The following CALD1 variants were observed in gnomAD, a reference collection of about 807,000 sequenced individuals.
CALD1 encodes the protein caldesmon 1.
In CALD1, 33 loss-of-function variants were observed where a neutral mutation model predicts 99.9. The observed-to-expected ratio is 0.33, with a 90% CI of 0.25 to 0.44. The LOEUF is 0.44. CALD1 is among the 20% of genes least tolerant of loss of function. CALD1 has a pLI of 1.00. For missense variants in CALD1, 861 were observed against 962.1 expected, an observed-to-expected ratio of 0.89 and a Z score of 1.39; for synonymous variants, 310 against 325.0, an observed-to-expected ratio of 0.95 and a Z score of 0.50.
At chr7:134,803,499 T>C (rs988924794) in intron 1 of CALD1, among the ~76,000 whole-genome samples, 1 of 152,162 alleles carries the variant, frequency 6.6e-6, no homozygotes, top group Non-Finnish European at 1.5e-5. Flanking sequence ...AAAAAACTTT[T>C]AGTTTTTGTT....
chr7:134,815,125 G>A (rs528214315), intron 1 of CALD1, among the ~76,000 whole-genome samples: 1 of 152,278 alleles, frequency 6.6e-6, no homozygotes, highest in East Asian at 1.9e-4. Context: ...TGTCCCTTAG[G>A]TGACTGTGTC....
At chr7:134,833,991 C>T (rs71530952) in intron 1 of CALD1, among the ~76,000 whole-genome samples, 5,609 of 152,240 alleles carry the variant, frequency 0.037, 124 homozygotes, top group Non-Finnish European at 0.052. Flanking sequence ...AAGAAAGATG[C>T]CTAGAATCCA....
intron 7 of CALD1, among the ~76,000 whole-genome samples, chr7:134,941,605 C>G (rs944536554): frequency 6.6e-6 from 1 of 151,220 alleles, no homozygotes; most frequent in Non-Finnish European, 1.5e-5. Context: ...GACCACCTTC[C>G]TAAGAGACCT....
rs1799815058 is a variant in CALD1 at position 134,845,492 on chromosome 7, A to AG, written c.-42+1522dup. On this transcript the variant is annotated intron_variant, in intron 2 of 14. Transcript: ENST00000361675. ...ATAGCAGGAGAGTTACCTTTCTCCC[A>AG]GAGGTAGGAAATAGTAAATAGCACA... Among the ~76,000 whole-genome samples the AG allele has an allele frequency of 4.6e-5, 7 of 152,342 alleles. No homozygotes were observed. The South Asian group carries it at 1.5e-3, about 32-fold the overall frequency.
chr7:134,755,761 T>C (rs528543915), intron 1 of CALD1, among the ~76,000 whole-genome samples: 104 of 152,358 alleles, frequency 6.8e-4, no homozygotes, highest in African/African-American at 2.5e-3. Context: ...AAGTTGTTTT[T>C]CTAGTCATAT....
At chr7:134,833,838 G>GA (rs1799325242) in intron 1 of CALD1, among the ~76,000 whole-genome samples, 1 of 152,178 alleles carries the variant, frequency 6.6e-6, no homozygotes. Flanking sequence ...ACTGGAAATA[G>GA]AATCCCAAGC....
intron 3 of CALD1, among the ~76,000 whole-genome samples, chr7:134,871,213 T>TA (rs1201986673): frequency 6.6e-6 from 1 of 152,138 alleles, no homozygotes; most frequent in African/African-American, 2.4e-5. Flanking sequence ...TAAAGCCAAA[T>TA]AAAAATGAAG....
chr7:134,805,918 A>G (rs1016104129), intron 1 of CALD1, among the ~76,000 whole-genome samples: 3 of 151,874 alleles, frequency 2.0e-5, no homozygotes, highest in Non-Finnish European at 2.9e-5. Flanking sequence ...GTGCCACCAC[A>G]CCCGGCCAAT....
Position 134,933,158 on chromosome 7 carries a change from T to C in CALD1, c.389T>C (p.Leu130Pro). 1 of 1,611,770 alleles carries C rather than the reference T, an allele frequency of 6.2e-7. No homozygotes were observed. Among genetic ancestry groups the C allele is most frequent in the Non-Finnish European group, 8.5e-7 (1 of 1,179,346 alleles). Residue 130 changes from leucine to proline, a missense_variant, in exon 5 of 15, where the codon CTG (leucine) becomes CCG (proline). Leu to Pro is a moderately conservative substitution (Grantham distance 98, BLOSUM62 -3). Coordinates refer to ENST00000361675, the MANE Select transcript of CALD1 (RefSeq NM_033138.4). ...GACCCAACAATAACAGATGCAAGTCTGTCGCTCCCAAGCAGAAGAATGCAA... is the reference window on the plus strand; with the variant it reads ...GACCCAACAATAACAGATGCAAGTCCGTCGCTCCCAAGCAGAAGAATGCAA... The part of the protein sequence containing the change: ...EFDPTITDAS[L>P]SLPSRRMQND...
At chr7:134,917,341 A>T (rs1804284598) in intron 3 of CALD1, among the ~76,000 whole-genome samples, 1 of 152,116 alleles carries the variant, frequency 6.6e-6, no homozygotes, top group Non-Finnish European at 1.5e-5. Flanking sequence ...GATCATATTT[A>T]TTTAAAAAAA....
chr7:134,734,490 G>A, the CALD1 span, among the ~76,000 whole-genome samples: 5 of 152,156 alleles, frequency 3.3e-5, no homozygotes, highest in African/African-American at 9.7e-5. Flanking sequence ...TAAGGAGTTC[G>A]TGCCACTTCC....
chr7:134,771,765 CTATT>C (rs1287496834), intron 1 of CALD1, among the ~76,000 whole-genome samples: 2 of 152,168 alleles, frequency 1.3e-5, no homozygotes, highest in Non-Finnish European at 2.9e-5. Flanking sequence ...GGGCTCGTTG[CTATT>C]TATTTAATAT....
chr7:134,892,379 CG>C (rs1238830798), intron 3 of CALD1, among the ~76,000 whole-genome samples: 2 of 152,160 alleles, frequency 1.3e-5, no homozygotes, highest in Non-Finnish European at 2.9e-5. Context: ...TGCAAAGGGC[CG>C]TTTTCACACT....
In CALD1 at chr7:134,960,279, G is replaced by A; in HGVS notation, c.2199+168G>A. The A allele has an allele frequency of 6.4e-6, 5 of 776,500 alleles. No homozygotes were observed. In the South Asian group the frequency reaches 9.0e-5, roughly 14 times the overall value. The allele number at this position is 776,500 out of a possible 1,614,324, so 48.1% of individuals were successfully genotyped here. On this transcript the variant is annotated intron_variant, in intron 12 of 14. Transcript: ENST00000361675. Reference sequence around the variant, plus strand: ...AAGCTCAGAGAGAATGTGTTTGTGAGGTTGCATGAGGTACTAAGCCCGGGC... The same window carrying A: ...AAGCTCAGAGAGAATGTGTTTGTGAAGTTGCATGAGGTACTAAGCCCGGGC...
chr7:134,884,634 C>A (rs1185750225), intron 3 of CALD1, among the ~76,000 whole-genome samples: 34 of 144,514 alleles, frequency 2.4e-4, no homozygotes, highest in Middle Eastern at 3.6e-3. Context: ...ATGAATACTC[C>A]AAAAAAAAAA....
At chr7:134,721,706 C>A in the CALD1 span, among the ~76,000 whole-genome samples, 2 of 151,930 alleles carry the variant, frequency 1.3e-5, no homozygotes, top group South Asian at 2.1e-4. Flanking sequence ...CCCTTCTTGG[C>A]GGTAGTGTCT....
chr7:134,955,483 T>C (rs1266534953), intron 9 of CALD1, among the ~76,000 whole-genome samples: 1 of 152,218 alleles, frequency 6.6e-6, no homozygotes, highest in African/African-American at 2.4e-5. Flanking sequence ...AGAAATGTAT[T>C]TCTCACAGTC....
intron 2 of CALD1, among the ~76,000 whole-genome samples, chr7:134,864,614 G>A (rs1800720886): frequency 6.6e-6 from 1 of 152,050 alleles, no homozygotes; most frequent in Admixed American, 6.5e-5. Context: ...TGGCCAGGCT[G>A]GTCTCGAACT....
At chr7:134,794,024 A>AGG (rs1554428980) in intron 1 of CALD1, among the ~76,000 whole-genome samples, 4 of 152,062 alleles carry the variant, frequency 2.6e-5, no homozygotes, top group African/African-American at 9.7e-5. Flanking sequence ...ACTGCAGCTC[A>AGG]CAGAGGCCAT....
Sources: allele counts gnomAD v4.1 joint callset (sites outside exome capture counted in the v4.1 genomes callset), GRCh38; gene constraint gnomAD v4.1.1; transcripts MANE v1.5; gene names NCBI Gene and HGNC (gene_info 2026-07-23, HGNC 2026-07-21).